Variants in ZNF28 observed in about 807,000 individuals in gnomAD.
ZNF28 encodes zinc finger protein 28, also known as zinc finger protein KOX24.
ZNF28 carries 5 observed loss-of-function variants against 7.2 expected under a neutral mutation model. The ratio of observed to expected loss-of-function variants is 0.70; its 90% CI spans 0.36 to 1.46. ZNF28 has a LOEUF of 1.46. Among genes scored for constraint, ZNF28 ranks in the 40% most tolerant of loss-of-function variants. ZNF28 has a pLI of 0.03. For missense variants in ZNF28, 879 were observed against 866.6 expected, an observed-to-expected ratio of 1.01 and a Z score of -0.18; for synonymous variants, 288 against 292.4, an observed-to-expected ratio of 0.99 and a Z score of 0.15.
chr19:52,801,338 G>A lies in ZNF28; in HGVS notation c.507C>T (p.Asn169=). ...KIGNQVEKSI[N]NASSVSTSQR... ...GGGATGTTGAAACTGAGGAAGCATT[G>A]TTGATAGACTTCTCAACTTGATTAC... The change falls in exon 4 of 4, where the codon AAC becomes AAT. Residue 169 remains asparagine, a synonymous_variant. Coordinates refer to ENST00000457749, the MANE Select transcript of ZNF28 (RefSeq NM_006969.5). 6.2e-7 allele frequency: 1 copy of A among 1,614,124 alleles called. No homozygotes were observed. Among genetic ancestry groups the A allele is most frequent in the Non-Finnish European group, 8.5e-7 (1 of 1,180,014 alleles).
rs1021753813 is a variant in ZNF28 at position 52,816,632 on chromosome 19, C to T, written c.15+1312G>A. Among the ~76,000 whole-genome samples the T allele has an allele frequency of 3.7e-4, 47 of 126,380 alleles. 2 individuals are homozygous for T. Among genetic ancestry groups the T allele is most frequent in the Non-Finnish European group, 4.6e-4 (29 of 62,872 alleles). The allele number at this position is 126,380 out of a possible 152,430, so 82.9% of individuals were successfully genotyped here. A position where few individuals can be genotyped will look rare whatever the true frequency, so the allele number is the denominator to read the frequency against. On this transcript the variant is annotated intron_variant, in intron 2 of 3. Transcript: ENST00000457749. ...TGAGCCAAGATCATACCAAAGCACT[C>T]CACCCTGGGTGACAGAGTGAAAACA...
chr19:52,806,863 G>C (rs1269430239), intron 3 of ZNF28, among the ~76,000 whole-genome samples: 1 of 152,082 alleles, frequency 6.6e-6, no homozygotes, highest in Non-Finnish European at 1.5e-5. Context: ...GATCGTACCA[G>C]TGCACTGTAG....
intron 2 of ZNF28, chr19:52,809,824 G>A: frequency 1.9e-6 from 1 of 530,310 alleles, no homozygotes; most frequent in Non-Finnish European, 3.3e-6. Flanking sequence ...AGCGGCGAAG[G>A]CGGCGGCGGC....
At chr19:52,806,901 TA>T (rs527315266) in intron 3 of ZNF28, among the ~76,000 whole-genome samples, 3 of 151,870 alleles carry the variant, frequency 2.0e-5, no homozygotes, top group South Asian at 2.1e-4. Context: ...GACTCTGTCA[TA>T]AAAAAAGAGA....
In ZNF28 at chr19:52,810,780, CAAAA is replaced by C. The variant is rs11330894; in HGVS notation, c.16-2651_16-2648del. The C allele has an allele frequency of 7.7e-6, 3 of 387,300 alleles. No homozygotes were observed. The Admixed American group carries it at 1.5e-4, about 19-fold the overall frequency. The allele number at this position is 387,300 out of a possible 1,614,324, so 24.0% of individuals were successfully genotyped here. ...GAAAAAAAAAGAATAAAAAAAAACC[CAAAA>C]AAAACAGAAGATGACCTTGATGGAA... On this transcript the variant is annotated intron_variant, in intron 2 of 3. Transcript: ENST00000457749.
chr19:52,803,791 T>C (rs1394818224), intron 3 of ZNF28, among the ~76,000 whole-genome samples: 1 of 151,826 alleles, frequency 6.6e-6, no homozygotes, highest in Non-Finnish European at 1.5e-5. Flanking sequence ...ACCCCATCTC[T>C]ACTAAAAATA....
chr19:52,800,450 T>C lies in ZNF28; in HGVS notation c.1395A>G (p.Lys465=), dbSNP rs757012336. The change falls in exon 4 of 4, where the codon AAA becomes AAG. Residue 465 remains lysine (K), a synonymous_variant. Coordinates refer to ENST00000457749, the MANE Select transcript of ZNF28 (RefSeq NM_006969.5). ...ARHHRLHTAE[K]PYKCEECDKV... is the part of the protein sequence containing the mutation. ...TGTCACATTCTTCACATTTGTATGG[T>C]TTCTCTGCAGTATGAAGTCTATGAT... 6 of 1,613,506 alleles carry C rather than the reference T, an allele frequency of 3.7e-6. No individual in the cohort carries two copies. The African/African-American group carries it at 5.3e-5, about 14-fold the overall frequency.
rs2062826707 is a variant in ZNF28 at position 52,798,763 on chromosome 19, A to G, written c.*925T>C. ...ATCTGAAAAATCTGTCACATTTATT[A>G]CACTTGTAAGATCTCTCATTATGGA... On this transcript the variant is annotated 3_prime_UTR_variant, in exon 4 of 4. Coordinates refer to ENST00000457749, the MANE Select transcript of ZNF28 (RefSeq NM_006969.5). 1 of 628,826 alleles carries G rather than the reference A, an allele frequency of 1.6e-6. No individual in the cohort carries two copies. The highest frequency in any genetic ancestry group is 1.5e-5 in the South Asian group (1 of 67,960). 39.0% of individuals were successfully genotyped at this position (628,826 alleles called of 1,614,324 possible). A position where few individuals can be genotyped will look rare whatever the true frequency, so the allele number is the denominator to read the frequency against.
intron 2 of ZNF28, among the ~76,000 whole-genome samples, chr19:52,814,687 C>A (rs1381564930): frequency 1.4e-5 from 2 of 145,876 alleles, no homozygotes; most frequent in Non-Finnish European, 3.0e-5. Context: ...GAAATGAAAA[C>A]CATCCTGGCT....
chr19:52,808,544 G>A (rs1237470835), intron 2 of ZNF28, among the ~76,000 whole-genome samples: 6 of 151,292 alleles, frequency 4.0e-5, no homozygotes, highest in Non-Finnish European at 7.4e-5. Context: ...GGCTGAGGCA[G>A]AATTGCCTGA....
chr19:52,801,441 T>C lies in ZNF28; in HGVS notation c.404A>G (p.His135Arg), dbSNP rs780214521. 9 of 1,614,218 alleles carry C rather than the reference T, an allele frequency of 5.6e-6. No homozygotes were observed. Among genetic ancestry groups the C allele is most frequent in the South Asian group, 2.2e-5 (2 of 91,088 alleles). The change falls in exon 4 of 4, where the codon CAT becomes CGT. Residue 135 changes from histidine (H) to arginine (R), a missense_variant. His to Arg is a conservative substitution (Grantham distance 29, BLOSUM62 0). This residue lies in a region of ZNF28 where 864 missense variants were observed against 830.2 expected (regional missense o/e 1.04). Transcript: ENST00000457749. Reference protein sequence around the residue: ...QHDQRHAGNKHIKDQLGLSFH... With the variant: ...QHDQRHAGNKRIKDQLGLSFH... The stretch of plus-strand genomic sequence containing the variant: ...GCTTAATCCAAGCTGATCTTTAATA[T>C]GCTTGTTTCCAGCATGCCTTTGATC...
In ZNF28 at chr19:52,799,796, T is replaced by C. The variant is rs547638396; in HGVS notation, c.2049A>G (p.Arg683=). ...TGTAAGGTTTCTCTCCAGTATGAAC[T>C]CTCTGATGCTGTGCAAGGTGTGCTT... ...NQQAHLAQHQ[R]VHTGEKPYKC... The change falls in exon 4 of 4, where the codon AGA becomes AGG. Residue 683 remains arginine, a synonymous_variant. Coordinates refer to ENST00000457749, the MANE Select transcript of ZNF28 (RefSeq NM_006969.5). The C allele has an allele frequency of 9.3e-6, 15 of 1,612,972 alleles. No homozygotes were observed. The African/African-American group carries it at 2.0e-4, about 22-fold the overall frequency.
chr19:52,815,558 C>T (rs2063112333), intron 2 of ZNF28, among the ~76,000 whole-genome samples: 2 of 146,462 alleles, frequency 1.4e-5, no homozygotes, highest in South Asian at 2.3e-4. Flanking sequence ...GGCGTGGTGG[C>T]TCACGCCTGT....
At position 52,815,901 on chromosome 19, in the gene ZNF28, C is replaced by T. The variant is rs768459069; in HGVS notation, c.15+2043G>A. Among the ~76,000 whole-genome samples the T allele has an allele frequency of 5.4e-5, 8 of 147,218 alleles. 1 individual carries two copies. Among genetic ancestry groups the T allele is most frequent in the Admixed American group, 1.4e-4 (2 of 14,672 alleles). On this transcript the variant is annotated intron_variant, in intron 2 of 3. Coordinates refer to ENST00000457749, the MANE Select transcript of ZNF28 (RefSeq NM_006969.5). ...TAATTGGTACAACAAACTCCAATGA[C>T]GTGAGTTTGCCTCTGTAACAAACCT...
rs564292959 is a variant in ZNF28 at position 52,800,074 on chromosome 19, C to G, written c.1771G>C (p.Asp591His). 6 of 1,613,916 alleles carry G rather than the reference C, an allele frequency of 3.7e-6. No individual in the cohort carries two copies. The highest frequency in any genetic ancestry group is 2.2e-5 in the East Asian group (1 of 44,852). The change falls in exon 4 of 4, where the codon GAT becomes CAT. Residue 591 changes from aspartate to histidine, a missense_variant. Around this residue, in one of 2 missense-constraint regions of ZNF28, gnomAD observed 864 missense variants for 830.2 expected, o/e 1.04. Coordinates refer to ENST00000457749, the MANE Select transcript of ZNF28 (RefSeq NM_006969.5). ...CTCTGATGTTGTGCCAGGTGTGAAT[C>G]CCTCCGGAAAGCCTTGTCACAAACC... ...CKVCDKAFRR[D>H]SHLAQHQRVH...
chr19:52,798,476 G>C lies in ZNF28; in HGVS notation c.*1212C>G, dbSNP rs561212118. The C allele has an allele frequency of 8.3e-6, 4 of 480,968 alleles. No individual in the cohort carries two copies. Among genetic ancestry groups the C allele is most frequent in the Non-Finnish European group, 1.7e-5 (4 of 238,144 alleles). 29.8% of individuals were successfully genotyped at this position (480,968 alleles called of 1,614,324 possible). The stretch of plus-strand genomic sequence containing the variant: ...AAGGAATTGTCTGATGGTCTGCAAG[G>C]AGTGATCTCGGACTGAAGACCTTAC... On this transcript the variant is annotated 3_prime_UTR_variant, in exon 4 of 4. Transcript: ENST00000457749.
At chr19:52,803,978 T>C (rs2062905661) in intron 3 of ZNF28, among the ~76,000 whole-genome samples, 1 of 152,070 alleles carries the variant, frequency 6.6e-6, no homozygotes, top group African/African-American at 2.4e-5. Context: ...ATAAGATAAA[T>C]AACTACTTCT....
At chr19:52,809,907 G>A in intron 2 of ZNF28, 1 of 829,440 alleles carries the variant, frequency 1.2e-6, no homozygotes, top group Non-Finnish European at 2.0e-6. Context: ...GCGCCATCTT[G>A]TGCCCGGGGC....
At position 52,799,473 on chromosome 19, in the gene ZNF28, G is replaced by C. The variant is rs115119333; in HGVS notation, c.*215C>G. 4.2e-4 allele frequency: 384 copies of C among 917,046 alleles called. 1 individual carries two copies. In the African/African-American group the frequency reaches 5.8e-3, roughly 14 times the overall value. 56.8% of individuals were successfully genotyped at this position (917,046 alleles called of 1,614,324 possible). ...TGCAGTATGAATTCTATGATGACGTGCAAGGGTTGTTTTTTGATTAAAAAC... is the reference window on the plus strand; with the variant it reads ...TGCAGTATGAATTCTATGATGACGTCCAAGGGTTGTTTTTTGATTAAAAAC... On this transcript the variant is annotated 3_prime_UTR_variant, in exon 4 of 4. Transcript: ENST00000457749.
Sources: gnomAD v4.1 joint callset for allele counts (sites outside exome capture counted in the v4.1 genomes callset) on GRCh38, gnomAD v4.1.1 for gene constraint, gnomAD v4.1.1 regional missense constraint, MANE v1.5 for transcripts, NCBI Gene and HGNC (gene_info 2026-07-23, HGNC 2026-07-21) for gene names.